The following DYNLL1 variants were observed in gnomAD, a reference collection of about 807,000 sequenced individuals.
The protein encoded by DYNLL1 is dynein light chain 1, cytoplasmic.
A neutral mutation model predicts 10.1 loss-of-function variants in DYNLL1; 3 were observed. The ratio of observed to expected loss-of-function variants is 0.30; its 90% CI spans 0.14 to 0.77. DYNLL1 has a LOEUF of 0.77. Among genes scored for constraint, DYNLL1 ranks in the 30% least tolerant of loss-of-function variants. DYNLL1 has a pLI of 0.66. For synonymous variants in DYNLL1, 46 were observed against 41.2 expected (o/e 1.12, Z -0.45); for missense variants, 47 against 111.7 (o/e 0.42, Z 2.61).
intron 1 of DYNLL1, among the ~76,000 whole-genome samples, chr12:120,487,341 G>A (rs1340036346): frequency 1.6e-5 from 2 of 123,136 alleles, no homozygotes; most frequent in East Asian, 4.9e-4. Context: ...TGCCCAGGCT[G>A]GAGTGCAGTG....
intron 1 of DYNLL1, among the ~76,000 whole-genome samples, chr12:120,485,106 C>T (rs1878963331): frequency 6.6e-6 from 1 of 152,148 alleles, no homozygotes; most frequent in Non-Finnish European, 1.5e-5. Flanking sequence ...AATCCCAGCA[C>T]TTTGGGAGGT....
At chr12:120,473,033 C>G (rs1276051586) in intron 1 of DYNLL1, among the ~76,000 whole-genome samples, 1 of 152,090 alleles carries the variant, frequency 6.6e-6, no homozygotes, top group East Asian at 1.9e-4. Context: ...GATTTAGGTC[C>G]TGTATGAGGC....
In DYNLL1 at chr12:120,496,544, T is replaced by C. The variant is rs1441700456; in HGVS notation, c.123T>C (p.His41=). 1.2e-6 allele frequency: 2 copies of C among 1,613,998 alleles called. No individual in the cohort carries two copies. Among genetic ancestry groups the C allele is most frequent in the East Asian group, 2.2e-5 (1 of 44,858 alleles). Residue 41 remains histidine, a synonymous_variant, in exon 2 of 3, where the codon CAT becomes CAC. Coordinates refer to ENST00000242577, the MANE Select transcript of DYNLL1 (RefSeq NM_003746.3). ...KYNIEKDIAA[H]IKKEFDKKYN... Reference sequence around the variant, plus strand: ...ACATAGAGAAGGACATTGCGGCTCATATCAAGAAGGTGAGGATGGGCGCGG... The same window carrying C: ...ACATAGAGAAGGACATTGCGGCTCACATCAAGAAGGTGAGGATGGGCGCGG...
intron 1 of DYNLL1, among the ~76,000 whole-genome samples, chr12:120,474,653 T>G (rs1024214817): frequency 1.3e-5 from 2 of 152,200 alleles, no homozygotes; most frequent in Admixed American, 6.5e-5. Context: ...TCTGGTTTTC[T>G]CCTTTTCTCT....
intron 1 of DYNLL1, among the ~76,000 whole-genome samples, chr12:120,474,365 GAATT>G (rs1878710655): frequency 6.6e-6 from 1 of 150,488 alleles, no homozygotes; most frequent in Non-Finnish European, 1.5e-5. Flanking sequence ...AGACTATTAA[GAATT>G]AATGCAGTTC....
At chr12:120,496,332 T>G (rs1346461210) in intron 1 of DYNLL1, 84 bp from the exon 2 acceptor site, 3 of 1,571,726 alleles carry the variant, frequency 1.9e-6, no homozygotes, top group Non-Finnish European at 2.6e-6. Flanking sequence ...CGTCGTCCCG[T>G]GGTGGCGCCG....
At chr12:120,492,196 T>C (rs1357552240), upstream of DYNLL1, 1 of 152,214 alleles carries the variant, frequency 6.6e-6, no homozygotes, top group African/African-American at 2.4e-5. The surrounding 1 kb of genome is among the most constrained non-coding windows in gnomAD (Gnocchi z 4.1). Flanking sequence ...GTCTGGTACA[T>C]GGTAAGGTCT....
chr12:120,497,974 C>T (rs768834496), intron 2 of DYNLL1, 99 bp from the exon 3 acceptor site: 37 of 1,209,436 alleles, frequency 3.1e-5, no homozygotes, highest in Non-Finnish European at 4.2e-5. Context: ...CAGATGCTGA[C>T]GTTCCTCCTT....
rs2137073174 is a variant in DYNLL1, at chr12:120,498,256, G to A, written c.*46G>A. 1 of 1,573,830 alleles carries A rather than the reference G, an allele frequency of 6.4e-7. No homozygotes were observed. The highest frequency in any genetic ancestry group is 8.6e-7 in the Non-Finnish European group (1 of 1,166,474). ...ACCCAGTGATCCATCCAAAAACAAG[G>A]ACTGCAGCCTAAATTCCAAATACCA... On this transcript the variant is annotated 3_prime_UTR_variant, in exon 3 of 3. Coordinates refer to ENST00000242577, the MANE Select transcript of DYNLL1 (RefSeq NM_003746.3).
intron 1 of DYNLL1, chr12:120,488,789 G>T (rs1279946506): frequency 6.6e-6 from 1 of 152,052 alleles, no homozygotes; most frequent in Non-Finnish European, 1.5e-5. Flanking sequence ...GGTGCATGCC[G>T]GTAATCCCAC....
chr12:120,498,440 C>T lies in DYNLL1; in HGVS notation c.*230C>T, dbSNP rs376272529. On this transcript the variant is annotated 3_prime_UTR_variant, in exon 3 of 3. Transcript: ENST00000242577. Reference sequence around the variant, plus strand: ...ATTTTCTATTCCATACTTCTGCCCACGTTGTTTTCTCTCAAAATCCATTCC... The same window carrying T: ...ATTTTCTATTCCATACTTCTGCCCATGTTGTTTTCTCTCAAAATCCATTCC... The T allele has an allele frequency of 2.8e-5, 12 of 432,654 alleles. No homozygotes were observed. The highest frequency in any genetic ancestry group is 2.2e-4 in the South Asian group (4 of 18,258). The allele number at this position is 432,654 out of a possible 1,614,324, so 26.8% of individuals were successfully genotyped here.
intron 1 of DYNLL1, among the ~76,000 whole-genome samples, chr12:120,484,120 G>C (rs1878942450): frequency 6.6e-6 from 1 of 152,148 alleles, no homozygotes; most frequent in South Asian, 2.1e-4. Context: ...AGCTACAGGA[G>C]AATGTGTAGG....
chr12:120,479,855 G>A (rs1231467548), intron 1 of DYNLL1, among the ~76,000 whole-genome samples: 1 of 152,154 alleles, frequency 6.6e-6, no homozygotes, highest in Non-Finnish European at 1.5e-5. Context: ...GTAAATCAGA[G>A]CCTGGCTGGG....
At chr12:120,471,964 AC>A (rs1310084032) in intron 1 of DYNLL1, among the ~76,000 whole-genome samples, 1 of 152,196 alleles carries the variant, frequency 6.6e-6, no homozygotes, top group Non-Finnish European at 1.5e-5. Flanking sequence ...ATAATAAATT[AC>A]ATGTGTATAT....
chr12:120,477,691 C>T (rs1332840868), intron 1 of DYNLL1, among the ~76,000 whole-genome samples: 1 of 152,086 alleles, frequency 6.6e-6, no homozygotes, highest in African/African-American at 2.4e-5. Context: ...GGGAGGATGG[C>T]TTGAGGCCAG....
At chr12:120,495,018 T>G (rs1388474627), upstream of DYNLL1, among the ~76,000 whole-genome samples, 1 of 152,242 alleles carries the variant, frequency 6.6e-6, no homozygotes, top group Non-Finnish European at 1.5e-5. Flanking sequence ...TGTTTAATAC[T>G]GCTAACAAGC....
At chr12:120,470,631 A>G (rs937533408) in intron 1 of DYNLL1, among the ~76,000 whole-genome samples, 7 of 151,584 alleles carry the variant, frequency 4.6e-5, no homozygotes, top group African/African-American at 1.7e-4. Context: ...TTTATTTTCT[A>G]TTTTTTTTGT....
At chr12:120,493,775 C>A (rs11065141), upstream of DYNLL1, 2 of 149,218 alleles carry the variant, frequency 1.3e-5, no homozygotes, top group South Asian at 4.2e-4. Context: ...CCACGCCCGG[C>A]TAATTTTTTT....
At chr12:120,486,326 T>C (rs1253687560) in intron 1 of DYNLL1, among the ~76,000 whole-genome samples, 1 of 152,182 alleles carries the variant, frequency 6.6e-6, no homozygotes, top group Non-Finnish European at 1.5e-5. Flanking sequence ...CAGATTATTA[T>C]GTACAGCCTT....
Sources: gnomAD v4.1 joint callset for allele counts (sites outside exome capture counted in the v4.1 genomes callset) on GRCh38, gnomAD v4.1.1 for gene constraint, Gnocchi (gnomAD v3.1) non-coding constraint, MANE v1.5 for transcripts, NCBI Gene and HGNC (gene_info 2026-07-23, HGNC 2026-07-21) for gene names.